N4BP2: variants seen among roughly 807,000 people sequenced by gnomAD.
N4BP2 encodes the protein NEDD4-binding protein 2.
In N4BP2, 91 loss-of-function variants were observed where a neutral mutation model predicts 152.8. The ratio of observed to expected loss-of-function variants is 0.60; its 90% CI spans 0.50 to 0.71. The LOEUF is 0.71. Ranked by LOEUF, N4BP2 falls within the 30% of genes least tolerant of loss-of-function variation. N4BP2 has a pLI of 0.00. For synonymous variants in N4BP2, 646 were observed against 705.3 expected (o/e 0.92, Z 1.33); for missense variants, 1,923 against 2,059.1 (o/e 0.93, Z 1.28).
intron 8 of N4BP2, among the ~76,000 whole-genome samples, chr4:40,119,186 G>A (rs1717623871): frequency 6.6e-6 from 1 of 152,122 alleles, no homozygotes; most frequent in Non-Finnish European, 1.5e-5. Context: ...TAAGGATTAT[G>A]AATTAGTACA....
chr4:40,088,522 T>C (rs1302042331), intron 2 of N4BP2, among the ~76,000 whole-genome samples: 2 of 145,456 alleles, frequency 1.4e-5, no homozygotes, highest in Non-Finnish European at 3.0e-5. Context: ...TTTTTTGCAA[T>C]GGGGTTTCGC....
At chr4:40,119,673 G>A (rs1018666718) in intron 8 of N4BP2, among the ~76,000 whole-genome samples, 1 of 151,944 alleles carries the variant, frequency 6.6e-6, no homozygotes, top group Non-Finnish European at 1.5e-5. Context: ...AATCTCATAT[G>A]TACTATTCAA....
At chr4:40,074,470 A>G (rs998262086) in intron 2 of N4BP2, among the ~76,000 whole-genome samples, 5 of 151,892 alleles carry the variant, frequency 3.3e-5, no homozygotes, top group African/African-American at 1.2e-4. Context: ...CGGCCTCCCA[A>G]AGTGCTGGGA....
In N4BP2 at chr4:40,122,220, C is replaced by A. The variant is rs1718003457; in HGVS notation, c.4109C>A (p.Ser1370Tyr). 6.2e-7 allele frequency: 1 copy of A among 1,613,824 alleles called. No homozygotes were observed. The highest frequency in any genetic ancestry group is 8.5e-7 in the Non-Finnish European group (1 of 1,179,804). The part of the protein sequence containing the change: ...ILNPTPAMAK[S>Y]LTIDCLELAL... Reference sequence around the variant, plus strand: ...AATCCCACTCCAGCGATGGCCAAATCTCTGACCATAGACTGTCTGGAATTG... The same window carrying A: ...AATCCCACTCCAGCGATGGCCAAATATCTGACCATAGACTGTCTGGAATTG... Residue 1370 changes from serine to tyrosine, a missense_variant, in exon 9 of 18, where the codon TCT (serine) becomes TAT (tyrosine). Physicochemically the swap from Ser to Tyr is moderately radical, Grantham distance 144 (BLOSUM62 -2). Coordinates refer to ENST00000261435, the MANE Select transcript of N4BP2 (RefSeq NM_018177.6).
At chr4:40,094,277 A>G (rs1402601459) in intron 2 of N4BP2, among the ~76,000 whole-genome samples, 1 of 152,064 alleles carries the variant, frequency 6.6e-6, no homozygotes, top group African/African-American at 2.4e-5. Context: ...CTATCTTGGT[A>G]TGTGTTCTGT....
chr4:40,064,180 C>T (rs1733862522), intron 1 of N4BP2, among the ~76,000 whole-genome samples: 1 of 152,164 alleles, frequency 6.6e-6, no homozygotes, highest in Non-Finnish European at 1.5e-5. Flanking sequence ...ATGCCCTGTA[C>T]TATGGACCTG....
chr4:40,159,624 T>TA (rs1721802024), downstream of N4BP2, among the ~76,000 whole-genome samples: 1 of 152,184 alleles, frequency 6.6e-6, no homozygotes, highest in Admixed American at 6.5e-5. Flanking sequence ...CACTTCTACT[T>TA]ACGTCCTATT....
chr4:40,153,798 C>T (rs1357729991), intron 17 of N4BP2, among the ~76,000 whole-genome samples: 1 of 152,110 alleles, frequency 6.6e-6, no homozygotes, highest in African/African-American at 2.4e-5. Flanking sequence ...AAATTCTCTC[C>T]GGATAGAGTT....
At chr4:40,064,390 T>C (rs1310962341) in intron 1 of N4BP2, among the ~76,000 whole-genome samples, 3 of 152,008 alleles carry the variant, frequency 2.0e-5, no homozygotes, top group Admixed American at 6.6e-5. Context: ...TTCTCCTGCC[T>C]CAGCCTCCTG....
intron 12 of N4BP2, among the ~76,000 whole-genome samples, chr4:40,131,590 A>G (rs1030093122): frequency 2.6e-5 from 4 of 152,134 alleles, no homozygotes; most frequent in Non-Finnish European, 5.9e-5. Flanking sequence ...GTGTATATTT[A>G]TAAGCAACTT....
chr4:40,083,130 G>A, intron 2 of N4BP2: 1 of 66,392 alleles, frequency 1.5e-5, no homozygotes, highest in Non-Finnish European at 3.6e-5. Flanking sequence ...CATAGAAAAA[G>A]GAAAAAACAA....
chr4:40,145,713 A>G lies in N4BP2; in HGVS notation c.5143+913A>G, dbSNP rs144748140. On this transcript the variant is annotated intron_variant, in intron 16 of 17. Transcript: ENST00000261435. ...TAGTGTTTTACTCAATAAATATTTG[A>G]TTATCTTCTGTATTCTAGGCATCAA... Among the ~76,000 whole-genome samples the G allele has an allele frequency of 2.4e-3, 359 of 152,262 alleles. 1 individual carries two copies. Among genetic ancestry groups the G allele is most frequent in the African/African-American group, 8.2e-3 (340 of 41,540 alleles).
the N4BP2 span, among the ~76,000 whole-genome samples, chr4:40,179,866 G>C: frequency 1.8e-4 from 27 of 148,578 alleles, no homozygotes; most frequent in Admixed American, 1.0e-3. Flanking sequence ...CTGGGTTCAA[G>C]CCATTCTCCT....
the N4BP2 span, among the ~76,000 whole-genome samples, chr4:40,187,827 C>T: frequency 5.3e-5 from 8 of 152,136 alleles, no homozygotes; most frequent in Non-Finnish European, 8.8e-5. Context: ...AGAAACTGTG[C>T]GTTAGTGGGT....
Position 40,064,151 on chromosome 4 carries a change from CTTTA to C in N4BP2, c.-212+7125_-212+7128del, listed in dbSNP as rs1733860633. Among the ~76,000 whole-genome samples, 3 of 152,198 alleles carry C rather than the reference CTTTA, an allele frequency of 2.0e-5. No individual in the cohort carries two copies. In the South Asian group the frequency reaches 6.2e-4, roughly 32 times the overall value. On this transcript the variant is annotated intron_variant, in intron 1 of 17. Transcript: ENST00000261435. ...GATTATGAATTTATTTTCATTGGTA[CTTTA>C]TTTGTGGTAAAGAGATGCCCTGTAC...
chr4:40,184,363 T>C, the N4BP2 span, among the ~76,000 whole-genome samples: 2 of 151,986 alleles, frequency 1.3e-5, no homozygotes, highest in Non-Finnish European at 2.9e-5. Context: ...ATCTGCCTTT[T>C]TTTTTTTAAA....
chr4:40,139,800 GCTTTTTTTTTTTTTTACATTTTTTTTT>G (rs1719740208), intron 14 of N4BP2, among the ~76,000 whole-genome samples: 2 of 70,384 alleles, frequency 2.8e-5, no homozygotes, highest in Admixed American at 3.6e-4. Context: ...CTAGCATTAG[GCTTTTTTTTTTTTTTACATTTTTTTTT>G]CTTTTTTTTT....
Position 40,137,063 on chromosome 4 carries a change from A to C in N4BP2, c.4766A>C (p.Gln1589Pro). 6.2e-7 allele frequency: 1 copy of C among 1,612,644 alleles called. No homozygotes were observed. ...GAGAATGTCACATCTCATACTGGCC[A>C]GAAGTCTAAAGAGAAAAAGGTATGG... ...QNENVTSHTG[Q>P]KSKEKKPKKL... Residue 1589 changes from glutamine (Q) to proline (P), a missense_variant, in exon 14 of 18, where the codon CAG becomes CCG. By Grantham distance (76) the Gln-to-Pro change is moderately conservative (BLOSUM62 -1). Coordinates refer to ENST00000261435, the MANE Select transcript of N4BP2 (RefSeq NM_018177.6).
downstream of N4BP2, among the ~76,000 whole-genome samples, chr4:40,158,734 C>T (rs757971026): frequency 5.8e-4 from 88 of 151,642 alleles, 1 homozygote; most frequent in Non-Finnish European, 1.0e-3. Context: ...GATTGTGCCA[C>T]TGAGCTCCAG....
Sources: allele counts gnomAD v4.1 joint callset (sites outside exome capture counted in the v4.1 genomes callset), GRCh38; gene constraint gnomAD v4.1.1; transcripts MANE v1.5; gene names NCBI Gene and HGNC (gene_info 2026-07-23, HGNC 2026-07-21).